CACNA1B: variants seen among roughly 807,000 people sequenced by gnomAD.
The protein encoded by CACNA1B is calcium voltage-gated channel subunit alpha1 B.
A neutral mutation model predicts 247.2 loss-of-function variants in CACNA1B; 70 were observed. The ratio of observed to expected loss-of-function variants is 0.28; its 90% CI spans 0.23 to 0.35. The LOEUF (loss-of-function observed/expected upper bound fraction) is 0.35. CACNA1B is among the 10% of genes least tolerant of loss of function. The probability of loss-of-function intolerance (pLI) is 1.00; values close to 1 mark genes in which losing one functional copy is unlikely to be tolerated. For missense variants in CACNA1B, 2,367 were observed against 3,197.4 expected, an observed-to-expected ratio of 0.74 and a Z score of 6.26; for synonymous variants, 1,231 against 1,294.4, an observed-to-expected ratio of 0.95 and a Z score of 1.05.
At chr9:138,043,192 A>C (rs1251413726) in intron 20 of CACNA1B, among the ~76,000 whole-genome samples, 7 of 151,992 alleles carry the variant, frequency 4.6e-5, no homozygotes, top group Non-Finnish European at 8.8e-5. Context: ...GCCCTCGGGG[A>C]AGGAGGCGAC....
intron 37 of CACNA1B, among the ~76,000 whole-genome samples, chr9:138,097,718 C>G (rs1961101660): frequency 6.6e-6 from 1 of 152,194 alleles, no homozygotes; most frequent in Non-Finnish European, 1.5e-5. Flanking sequence ...CCCTCGCACT[C>G]CTCTGCCCCC....
rs758354096 is a variant in CACNA1B at position 137,917,230 on chromosome 9, CCTT to C, written c.776-7_776-5del. 1 of 1,608,258 alleles carries C rather than the reference CCTT, an allele frequency of 6.2e-7. No homozygotes were observed. Among genetic ancestry groups the C allele is most frequent in the Admixed American group, 1.7e-5 (1 of 59,458 alleles). The stretch of plus-strand genomic sequence containing the variant: ...CTGAGCTCAGGGTCTGCTTCATTCT[CCTT>C]CTTGCAGATGCGGAGCCCGTGGGTG... On this transcript the variant is annotated splice_region_variant and splice_polypyrimidine_tract_variant and intron_variant, in intron 5 of 46. Coordinates refer to ENST00000371372, the MANE Select transcript of CACNA1B (RefSeq NM_000718.4). The surrounding 1 kb of genome is among the most constrained non-coding windows in gnomAD (Gnocchi z 5.5).
rs1228799733 is a variant in CACNA1B, at chr9:137,888,052, A to G, written c.530+5169A>G. ...GCTCGGGCGTTGGAGGGCTCTGAGCACAGGTGTGGCCCAATTGACTCGTGA... is the reference window on the plus strand; with the variant it reads ...GCTCGGGCGTTGGAGGGCTCTGAGCGCAGGTGTGGCCCAATTGACTCGTGA... On this transcript the variant is annotated intron_variant, in intron 3 of 46. Coordinates refer to ENST00000371372, the MANE Select transcript of CACNA1B (RefSeq NM_000718.4). This position sits in a 1 kb window ranked among gnomAD's most constrained non-coding sequence, Gnocchi z 4.7. 2.6e-5 allele frequency among the ~76,000 whole-genome samples: 4 copies of G among 151,516 alleles called. No individual in the cohort carries two copies. The highest frequency in any genetic ancestry group is 2.6e-4 in the Admixed American group (4 of 15,224).
chr9:138,044,093 A>C (rs997125749), intron 21 of CACNA1B, among the ~76,000 whole-genome samples, 193 bp downstream of exon 21: 5 of 152,226 alleles, frequency 3.3e-5, no homozygotes, highest in Admixed American at 2.0e-4. Flanking sequence ...CACAGGAGGC[A>C]GCCTCAGCGG....
At chr9:137,996,383 C>T (rs1589055792) in intron 15 of CACNA1B, among the ~76,000 whole-genome samples, 1 of 152,268 alleles carries the variant, frequency 6.6e-6, no homozygotes, top group South Asian at 2.1e-4. Flanking sequence ...GAATCGGAGG[C>T]TACTATTGTA....
At chr9:137,907,377 G>A (rs1480672432) in intron 3 of CACNA1B, among the ~76,000 whole-genome samples, 2 of 152,186 alleles carry the variant, frequency 1.3e-5, no homozygotes, top group African/African-American at 4.8e-5. Context: ...TGCCTGGGGT[G>A]TGGTTAGAAG....
At chr9:138,055,342 C>G (rs900657862) in intron 26 of CACNA1B, among the ~76,000 whole-genome samples, 1 of 152,046 alleles carries the variant, frequency 6.6e-6, no homozygotes, top group Non-Finnish European at 1.5e-5. Context: ...TGTTGCCAAG[C>G]TGGTCTCGAG....
intron 20 of CACNA1B, among the ~76,000 whole-genome samples, chr9:138,039,398 A>G (rs1959088593): frequency 6.6e-6 from 1 of 151,872 alleles, no homozygotes; most frequent in South Asian, 2.1e-4. Context: ...TTCTTTCCTA[A>G]TTATTTGCTT....
At chr9:138,099,433 GTGTGTGCATATGCCCA>G (rs1961173580) in intron 37 of CACNA1B, among the ~76,000 whole-genome samples, 1 of 152,208 alleles carries the variant, frequency 6.6e-6, no homozygotes, top group Non-Finnish European at 1.5e-5. Context: ...ATGTGCACCT[GTGTGTGCATATGCCCA>G]TGTGTGCATG....
intron 6 of CACNA1B, among the ~76,000 whole-genome samples, chr9:137,935,351 G>A (rs1400645305): frequency 6.6e-6 from 1 of 152,160 alleles, no homozygotes; most frequent in Non-Finnish European, 1.5e-5. Context: ...AGAACATGCG[G>A]TGTTTGGTTT....
At chr9:138,087,820 A>T (rs1960752050) in intron 36 of CACNA1B, among the ~76,000 whole-genome samples, 1 of 151,442 alleles carries the variant, frequency 6.6e-6, no homozygotes, top group Non-Finnish European at 1.5e-5. Context: ...GGGGCAGGGT[A>T]GGTGGAGAAG....
intron 21 of CACNA1B, among the ~76,000 whole-genome samples, chr9:138,045,787 C>T (rs1467771429): frequency 6.6e-6 from 1 of 152,084 alleles, no homozygotes; most frequent in Non-Finnish European, 1.5e-5. Context: ...TGGCGGTGGG[C>T]CAGGGATGAA....
chr9:138,030,582 A>C (rs1230897111), intron 20 of CACNA1B, among the ~76,000 whole-genome samples: 1 of 152,140 alleles, frequency 6.6e-6, no homozygotes, highest in African/African-American at 2.4e-5. Context: ...TATCAGAGTA[A>C]TATTGGATTC....
At chr9:137,923,565 A>C (rs1252464958) in intron 6 of CACNA1B, among the ~76,000 whole-genome samples, 1 of 152,198 alleles carries the variant, frequency 6.6e-6, no homozygotes, top group Non-Finnish European at 1.5e-5. Flanking sequence ...GGCTTGTTTA[A>C]CCGTTCACCT....
rs200081614 is a variant in CACNA1B at position 138,043,844 on chromosome 9, C to G, written c.3357C>G (p.Ser1119Arg). The change falls in exon 21 of 47, where the codon AGC (serine) becomes AGG (arginine). Residue 1119 changes from serine to arginine, a missense_variant. Coordinates refer to ENST00000371372, the MANE Select transcript of CACNA1B (RefSeq NM_000718.4). ...TGGAAGCGGATGACGTGATGAGGAG[C>G]GGCCCCCGGCCTATCGTCCCATACA... ...KEVEADDVMR[S>R]GPRPIVPYSS... The G allele has an allele frequency of 6.2e-7, 1 of 1,613,954 alleles. No homozygotes were observed. Among genetic ancestry groups the G allele is most frequent in the Non-Finnish European group, 8.5e-7 (1 of 1,179,864 alleles).
Position 138,122,172 on chromosome 9 carries a change from G to T in CACNA1B, c.*173G>T. The T allele has an allele frequency of 1.6e-6, 1 of 617,210 alleles. No individual in the cohort carries two copies. The highest frequency in any genetic ancestry group is 2.0e-5 in the South Asian group (1 of 50,632). The allele number at this position is 617,210 out of a possible 1,614,324, so 38.2% of individuals were successfully genotyped here. A position where few individuals can be genotyped will look rare whatever the true frequency, so the allele number is the denominator to read the frequency against. On this transcript the variant is annotated 3_prime_UTR_variant, in exon 47 of 47. Transcript: ENST00000371372. ...TCTTTTACTCTAGACGACGAATAAA[G>T]CCCTGTTAGAGGATGCGGCTCTCTC... is the stretch of plus-strand genomic sequence containing the variant.
At position 138,121,651 on chromosome 9, in the gene CACNA1B, C is replaced by T. The variant is rs1304473304; in HGVS notation, c.6672C>T (p.Ser2224=). Residue 2224 remains serine (S), a synonymous_variant, in exon 47 of 47, where the codon TCC becomes TCT. Transcript: ENST00000371372. This position sits in a 1 kb window ranked among gnomAD's most constrained non-coding sequence, Gnocchi z 6.8. ...AGAQTSLPAF[S]PGRLSRGLSE... ...CTCAGACCAGCCTCCCTGCCTTCTCCCCAGGCCGGCTCAGCCGTGGGCTTT... is the reference window on the plus strand; with the variant it reads ...CTCAGACCAGCCTCCCTGCCTTCTCTCCAGGCCGGCTCAGCCGTGGGCTTT... The T allele has an allele frequency of 1.9e-6, 3 of 1,613,104 alleles. No homozygotes were observed. Among genetic ancestry groups the T allele is most frequent in the Middle Eastern group, 1.7e-4 (1 of 6,060 alleles).
At chr9:138,053,804 T>G in intron 25 of CACNA1B, 42 bp from the exon 26 acceptor site, 1 of 1,134,180 alleles carries the variant, frequency 8.8e-7, no homozygotes, top group Non-Finnish European at 1.2e-6. Context: ...TCTCCCACCA[T>G]GATTCCACCC....
chr9:138,022,993 C>G lies in CACNA1B; in HGVS notation c.2268-18C>G. The G allele has an allele frequency of 1.4e-6, 2 of 1,479,408 alleles. No individual in the cohort carries two copies. Among genetic ancestry groups the G allele is most frequent in the East Asian group, 2.7e-5 (1 of 37,486 alleles). The allele number at this position is 1,479,408 out of a possible 1,614,324, so 91.6% of individuals were successfully genotyped here. A position where few individuals can be genotyped will look rare whatever the true frequency, so the allele number is the denominator to read the frequency against. ...CGGGCGGCAGACGGGGCCGCGCTCA[C>G]CGCCAGTCTCCCCGCAGCAGGCAGC... On this transcript the variant is annotated intron_variant, in intron 18 of 46. Coordinates refer to ENST00000371372, the MANE Select transcript of CACNA1B (RefSeq NM_000718.4).
Sources: gnomAD v4.1 joint callset for allele counts (sites outside exome capture counted in the v4.1 genomes callset) on GRCh38, gnomAD v4.1.1 for gene constraint, Gnocchi (gnomAD v3.1) non-coding constraint, MANE v1.5 for transcripts, NCBI Gene and HGNC (gene_info 2026-07-23, HGNC 2026-07-21) for gene names.